The following CPNE3 variants were observed in gnomAD, a reference collection of about 807,000 sequenced individuals.
CPNE3 encodes the protein copine 3.
A neutral mutation model predicts 63.9 loss-of-function variants in CPNE3; 68 were observed. That is an observed-to-expected ratio of 1.06 (90% CI 0.87 to 1.30). The LOEUF is 1.30. Among genes scored for constraint, CPNE3 ranks in the 50% most tolerant of loss-of-function variants. The pLI is 0.00. For synonymous variants in CPNE3, 219 were observed against 197.5 expected, an observed-to-expected ratio of 1.11 and a Z score of -0.91; for missense variants, 665 against 578.1, an observed-to-expected ratio of 1.15 and a Z score of -1.54.
At chr8:86,552,559 C>A (rs1259072951) in intron 14 of CPNE3, among the ~76,000 whole-genome samples, 1 of 152,040 alleles carries the variant, frequency 6.6e-6, no homozygotes, top group Non-Finnish European at 1.5e-5. Context: ...GTAAGCCCAT[C>A]CTTGGGCTGT....
intron 14 of CPNE3, among the ~76,000 whole-genome samples, chr8:86,552,846 T>C (rs1821212101): frequency 6.8e-6 from 1 of 147,184 alleles, no homozygotes; most frequent in Non-Finnish European, 1.5e-5. Context: ...AATTTTTTTT[T>C]TTTTTTTTTC....
intron 6 of CPNE3, among the ~76,000 whole-genome samples, chr8:86,532,810 T>G (rs1820710991): frequency 6.6e-6 from 1 of 152,156 alleles, no homozygotes; most frequent in Non-Finnish European, 1.5e-5. Context: ...AGAGAGGAGT[T>G]GAATAGAAGC....
Position 86,531,218 on chromosome 8 carries a change from G to C in CPNE3, c.376G>C (p.Gly126Arg). The C allele has an allele frequency of 8.2e-7, 1 of 1,213,830 alleles. No homozygotes were observed. The allele number at this position is 1,213,830 out of a possible 1,614,324, so 75.2% of individuals were successfully genotyped here. ...GAAAACTGGCAGACCTGCAGGAAAAGGGAGCATTACGGTAAAAATAAGATA... is the reference window on the plus strand; with the variant it reads ...GAAAACTGGCAGACCTGCAGGAAAACGGAGCATTACGGTAAAAATAAGATA... Reference protein sequence around the residue: ...VMKTGRPAGKGSITISAEEIK... With the variant: ...VMKTGRPAGKRSITISAEEIK... The change falls in exon 5 of 17, where the codon GGG becomes CGG. Residue 126 changes from glycine (G) to arginine (R), a missense_variant. By Grantham distance (125) the Gly-to-Arg change is moderately radical (BLOSUM62 -2). Coordinates refer to ENST00000517490, the MANE Select transcript of CPNE3 (RefSeq NM_003909.5).
chr8:86,521,201 T>C (rs1563684374), intron 2 of CPNE3, among the ~76,000 whole-genome samples: 1 of 152,202 alleles, frequency 6.6e-6, no homozygotes, highest in Non-Finnish European at 1.5e-5. Context: ...CAGACCTGTG[T>C]GTGTAGAGAC....
intron 5 of CPNE3, 93 bp downstream of exon 5, chr8:86,531,322 G>A: frequency 1.4e-6 from 1 of 727,188 alleles, no homozygotes; most frequent in Non-Finnish European, 2.5e-6. Flanking sequence ...CTACAGCCAT[G>A]CTTTGTCACT....
rs764755747 is a variant in CPNE3 at position 86,531,223 on chromosome 8, C to G, written c.381C>G (p.Ser127Arg). ...MKTGRPAGKG[S>R]ITISAEEIKD... The stretch of plus-strand genomic sequence containing the variant: ...CTGGCAGACCTGCAGGAAAAGGGAG[C>G]ATTACGGTAAAAATAAGATATTTGT... Residue 127 changes from serine to arginine, a missense_variant, in exon 5 of 17, where the codon AGC becomes AGG. By Grantham distance (110) the Ser-to-Arg change is moderately radical. Coordinates refer to ENST00000517490, the MANE Select transcript of CPNE3 (RefSeq NM_003909.5). 1.4e-5 allele frequency: 17 copies of G among 1,178,206 alleles called. No individual in the cohort carries two copies. The highest frequency in any genetic ancestry group is 2.0e-5 in the Non-Finnish European group (16 of 781,570). The allele number at this position is 1,178,206 out of a possible 1,614,324, so 73.0% of individuals were successfully genotyped here. A position where few individuals can be genotyped will look rare whatever the true frequency, so the allele number is the denominator to read the frequency against.
intron 6 of CPNE3, 138 bp from the exon 7 acceptor site, chr8:86,537,424 AG>A: frequency 3.4e-6 from 2 of 584,860 alleles, no homozygotes; most frequent in South Asian, 4.3e-5. Context: ...TTAGGGAGAA[AG>A]GTGATGGGAT....
At chr8:86,537,764 A>T (rs1019257224) in intron 7 of CPNE3, 118 bp downstream of exon 7, 1 of 656,268 alleles carries the variant, frequency 1.5e-6, no homozygotes, top group African/African-American at 1.8e-5. Context: ...ACATATAGCC[A>T]GAGACACAAG....
rs1392217743 is a variant in CPNE3 at position 86,529,075 on chromosome 8, A to C, written c.263A>C (p.Glu88Ala). The part of the protein sequence containing the change: ...GVYDIDNKTI[E>A]LSDDDFLGEC... ...TATGACATCGACAACAAAACTATTG[A>C]GCTGAGTGATGATGACTTCTTAGGG... Residue 88 changes from glutamate (E) to alanine (A), a missense_variant, in exon 4 of 17, where the codon GAG (glutamate) becomes GCG (alanine). Glu to Ala is a moderately radical substitution (Grantham distance 107). Coordinates refer to ENST00000517490, the MANE Select transcript of CPNE3 (RefSeq NM_003909.5). 1 of 1,614,040 alleles carries C rather than the reference A, an allele frequency of 6.2e-7. No homozygotes were observed. Among genetic ancestry groups the C allele is most frequent in the South Asian group, 1.1e-5 (1 of 91,078 alleles).
At chr8:86,544,699 C>G in intron 8 of CPNE3, 41 bp from the exon 9 acceptor site, 1 of 998,824 alleles carries the variant, frequency 1.0e-6, no homozygotes, top group Non-Finnish European at 1.3e-6. Context: ...TTTAATAAAA[C>G]TATATTGATT....
intron 4 of CPNE3, 73 bp downstream of exon 4, chr8:86,529,197 G>A (rs1820614608): frequency 7.6e-7 from 1 of 1,323,178 alleles, no homozygotes; most frequent in South Asian, 1.4e-5. Flanking sequence ...TTTTTGGTAA[G>A]CAGCATTTAA....
At chr8:86,549,602 G>A (rs925219653) in intron 12 of CPNE3, among the ~76,000 whole-genome samples, 1 of 152,172 alleles carries the variant, frequency 6.6e-6, no homozygotes, top group Non-Finnish European at 1.5e-5. Context: ...ATAAATTAGA[G>A]TACAGACCAG....
At chr8:86,533,107 G>A (rs999249117) in intron 6 of CPNE3, among the ~76,000 whole-genome samples, 7 of 151,700 alleles carry the variant, frequency 4.6e-5, no homozygotes, top group Non-Finnish European at 8.8e-5. Flanking sequence ...GCCTAGGCTG[G>A]TCTGGAACTC....
chr8:86,516,994 G>A (rs1007696807), intron 2 of CPNE3, among the ~76,000 whole-genome samples: 15 of 152,128 alleles, frequency 9.9e-5, no homozygotes, highest in African/African-American at 3.6e-4. Context: ...CACTTCCATT[G>A]GTGGTACTCA....
chr8:86,522,625 A>G (rs1563685004), intron 2 of CPNE3, among the ~76,000 whole-genome samples: 2 of 143,374 alleles, frequency 1.4e-5, no homozygotes, highest in South Asian at 4.4e-4. Context: ...TTTGAGAAAC[A>G]CTGCCTAGGG....
At chr8:86,541,321 A>G (rs1337017361) in intron 8 of CPNE3, among the ~76,000 whole-genome samples, 1 of 152,196 alleles carries the variant, frequency 6.6e-6, no homozygotes, top group African/African-American at 2.4e-5. Flanking sequence ...TAGAGTTAAG[A>G]ATTTCTACCT....
intron 16 of CPNE3, 124 bp from the exon 17 acceptor site, chr8:86,558,164 A>T: frequency 1.5e-6 from 1 of 671,362 alleles, no homozygotes; most frequent in Non-Finnish European, 2.6e-6. Context: ...TCCTAAGAAA[A>T]GGTACAGGCC....
rs1490881963 is a variant in CPNE3 at position 86,526,389 on chromosome 8, C to T, written c.-10-2147C>T. On this transcript the variant is annotated intron_variant, in intron 2 of 16. Transcript: ENST00000517490. ...AATGGAATAATAAAAAAATATGAAA[C>T]ATGGGATAGATAAGATAGGATCAGA... 2.0e-5 allele frequency among the ~76,000 whole-genome samples: 3 copies of T among 152,020 alleles called. No individual in the cohort carries two copies. In the East Asian group the frequency reaches 5.8e-4, roughly 29 times the overall value.
intron 14 of CPNE3, among the ~76,000 whole-genome samples, chr8:86,552,549 GT>G (rs1451583990): frequency 6.6e-6 from 1 of 152,040 alleles, no homozygotes; most frequent in African/African-American, 2.4e-5. Context: ...TGTGAGTAAT[GT>G]AAGCCCATCC....
Sources: allele counts gnomAD v4.1 joint callset (sites outside exome capture counted in the v4.1 genomes callset), GRCh38; gene constraint gnomAD v4.1.1; transcripts MANE v1.5; gene names NCBI Gene and HGNC (gene_info 2026-07-23, HGNC 2026-07-21).